Variants in KALRN observed in about 807,000 individuals in gnomAD.
KALRN encodes kalirin.
In KALRN, 70 loss-of-function variants were observed where a neutral mutation model predicts 353.7. The observed-to-expected ratio is 0.20, with a 90% confidence interval of 0.16 to 0.24. The LOEUF (loss-of-function observed/expected upper bound fraction) is 0.24, where lower values mean the gene tolerates loss of function less well. Ranked by LOEUF, KALRN falls within the 10% of genes least tolerant of loss-of-function variation. The pLI is 1.00. For missense variants in KALRN, 2,791 were observed against 3,756.7 expected, an observed-to-expected ratio of 0.74 and a Z score of 6.72; for synonymous variants, 1,391 against 1,434.8, an observed-to-expected ratio of 0.97 and a Z score of 0.69.
intron 10 of KALRN, among the ~76,000 whole-genome samples, chr3:124,367,487 C>T (rs1303002019): frequency 3.0e-5 from 3 of 100,730 alleles, no homozygotes; most frequent in African/African-American, 1.2e-4. Flanking sequence ...CCCTCCCGGA[C>T]GGGGCAGCTG....
At chr3:124,452,854 T>C (rs1342258670) in intron 21 of KALRN, among the ~76,000 whole-genome samples, 1 of 152,230 alleles carries the variant, frequency 6.6e-6, no homozygotes, top group African/African-American at 2.4e-5. Flanking sequence ...TAATTTTCTC[T>C]GGTAGAGCTG....
intron 1 of KALRN, among the ~76,000 whole-genome samples, chr3:124,172,576 C>A (rs941851172): frequency 6.6e-6 from 1 of 152,098 alleles, no homozygotes; most frequent in African/African-American, 2.4e-5. Context: ...CTAAGCCTAG[C>A]TTTTCTTATC....
At chr3:124,105,025 C>G (rs1011859121) in intron 1 of KALRN, among the ~76,000 whole-genome samples, 1 of 152,014 alleles carries the variant, frequency 6.6e-6, no homozygotes, top group African/African-American at 2.4e-5. Context: ...AGCATAAGAG[C>G]CTGGTGCTGG....
chr3:124,597,905 T>G (rs980628572), intron 34 of KALRN, among the ~76,000 whole-genome samples: 1 of 152,210 alleles, frequency 6.6e-6, no homozygotes, highest in Non-Finnish European at 1.5e-5. Context: ...TAGTAAATTT[T>G]ATATATCTCT....
At chr3:124,126,159 C>A (rs2064640512) in intron 1 of KALRN, among the ~76,000 whole-genome samples, 1 of 151,870 alleles carries the variant, frequency 6.6e-6, no homozygotes, top group Non-Finnish European at 1.5e-5. Flanking sequence ...GATTTCCTTG[C>A]TTTTACCAGT....
intron 34 of KALRN, among the ~76,000 whole-genome samples, chr3:124,578,322 G>T (rs532822747): frequency 6.6e-6 from 1 of 152,184 alleles, no homozygotes; most frequent in Non-Finnish European, 1.5e-5. Context: ...TGGGAATATT[G>T]ATTAGCCATC....
chr3:124,514,177 G>A (rs766409047), intron 33 of KALRN, among the ~76,000 whole-genome samples: 5 of 152,180 alleles, frequency 3.3e-5, no homozygotes, highest in Non-Finnish European at 4.4e-5. Context: ...CTGGGCTCTG[G>A]TTTGAAACCT....
intron 13 of KALRN, among the ~76,000 whole-genome samples, chr3:124,405,121 A>G (rs981744778): frequency 6.6e-5 from 10 of 152,232 alleles, no homozygotes; most frequent in Non-Finnish European, 1.3e-4. Flanking sequence ...TATTTATTTC[A>G]TAGTCTCTTC....
At chr3:124,664,334 A>AGTGTGTGT (rs750940277) in intron 45 of KALRN, among the ~76,000 whole-genome samples, 29 of 126,882 alleles carry the variant, frequency 2.3e-4, no homozygotes, top group African/African-American at 5.8e-4. Flanking sequence ...TGTACATGTG[A>AGTGTGTGT]GTGTGTGTGT....
At chr3:124,406,841 T>TTTA (rs1282751055) in intron 13 of KALRN, among the ~76,000 whole-genome samples, 3 of 150,050 alleles carry the variant, frequency 2.0e-5, no homozygotes, top group Admixed American at 1.3e-4. Context: ...GCTTTTTTTT[T>TTTA]TTTTTTTTGA....
intron 1 of KALRN, among the ~76,000 whole-genome samples, chr3:124,186,479 A>T (rs1264403439): frequency 6.6e-6 from 1 of 152,218 alleles, no homozygotes; most frequent in Non-Finnish European, 1.5e-5. Flanking sequence ...GCAAATGTGT[A>T]ACAGATGCTA....
chr3:124,648,306 A>T (rs1269567367), intron 37 of KALRN, among the ~76,000 whole-genome samples: 1 of 152,216 alleles, frequency 6.6e-6, no homozygotes. Context: ...CATCCCAGAG[A>T]GTCCTCCCCT....
chr3:124,500,897 T>C (rs764473576), intron 33 of KALRN, among the ~76,000 whole-genome samples: 7 of 152,220 alleles, frequency 4.6e-5, no homozygotes, highest in Non-Finnish European at 8.8e-5. Flanking sequence ...AGAAGAAATC[T>C]ACAATTATAG....
intron 33 of KALRN, among the ~76,000 whole-genome samples, chr3:124,549,320 AACAC>A (rs10542227): frequency 0.018 from 2,619 of 145,910 alleles, 62 homozygotes; most frequent in East Asian, 0.11. Context: ...CCAAGAAGCC[AACAC>A]ACACACACAC....
At chr3:124,292,640 G>C (rs1285721450) in intron 5 of KALRN, among the ~76,000 whole-genome samples, 1 of 116,248 alleles carries the variant, frequency 8.6e-6, no homozygotes, top group African/African-American at 2.7e-5. Flanking sequence ...GTGCCCTGCG[G>C]TCACTCTGGG....
rs745386897 is a variant in KALRN at position 124,446,873 on chromosome 3, G to C, written c.3540G>C (p.Arg1180Ser). The stretch of plus-strand genomic sequence containing the variant: ...TGCTGAAAGAATATGGGGAATTCAG[G>C]GTGCCTGCCAAGGTAGGAAACATCC... The part of the protein sequence containing the change: ...QELLKEYGEF[R>S]VPAKQTKEKV... Residue 1180 changes from arginine (R) to serine (S), a missense_variant, in exon 21 of 60, where the codon AGG (arginine) becomes AGC (serine). Arg to Ser is a moderately radical substitution (Grantham distance 110, BLOSUM62 -1). This residue lies in a region of KALRN where 268 missense variants were observed against 347.0 expected (regional missense o/e 0.77). Coordinates refer to ENST00000682506, the MANE Select transcript of KALRN (RefSeq NM_001388419.1). 1.9e-6 allele frequency: 3 copies of C among 1,613,974 alleles called. No individual in the cohort carries two copies. The highest frequency in any genetic ancestry group is 1.1e-5 in the South Asian group (1 of 91,050).
chr3:124,135,330 G>C (rs540859886), intron 1 of KALRN, among the ~76,000 whole-genome samples: 38 of 152,240 alleles, frequency 2.5e-4, no homozygotes, highest in Non-Finnish European at 4.9e-4. Flanking sequence ...AAGCTATGAG[G>C]ACACAAAGGC....
intron 1 of KALRN, among the ~76,000 whole-genome samples, chr3:124,091,185 C>G (rs772427123): frequency 1.3e-5 from 2 of 152,236 alleles, no homozygotes; most frequent in Non-Finnish European, 2.9e-5. Flanking sequence ...ATTCATGTTA[C>G]AACTGAAGCA....
chr3:124,134,422 C>G (rs540020672), intron 1 of KALRN, among the ~76,000 whole-genome samples: 1 of 152,278 alleles, frequency 6.6e-6, no homozygotes, highest in East Asian at 1.9e-4. Context: ...TATAAAAATT[C>G]TAGAAGACAG....
Sources: allele counts gnomAD v4.1 joint callset (sites outside exome capture counted in the v4.1 genomes callset), GRCh38; gene constraint gnomAD v4.1.1; regional missense constraint gnomAD v4.1.1; transcripts MANE v1.5; gene names NCBI Gene and HGNC (gene_info 2026-07-23, HGNC 2026-07-21).